Variants in SPATA13 observed in about 807,000 individuals in gnomAD.
The protein encoded by SPATA13 is spermatogenesis associated 13.
In SPATA13, 50 loss-of-function variants were observed where a neutral mutation model predicts 104.0. The ratio of observed to expected loss-of-function variants is 0.48; its 90% CI spans 0.38 to 0.61. SPATA13 has a LOEUF of 0.61. SPATA13 is among the 20% of genes least tolerant of loss of function. SPATA13 has a pLI of 0.00. For synonymous variants in SPATA13, 606 were observed against 667.5 expected, an observed-to-expected ratio of 0.91 and a Z score of 1.42; for missense variants, 1,524 against 1,690.6, an observed-to-expected ratio of 0.90 and a Z score of 1.73.
At chr13:24,206,958 T>C (rs932489849) in intron 1 of SPATA13, among the ~76,000 whole-genome samples, 5 of 150,776 alleles carry the variant, frequency 3.3e-5, no homozygotes, top group African/African-American at 1.2e-4. Flanking sequence ...AGCAAAGATA[T>C]GGAACCAACC....
intron 1 of SPATA13, among the ~76,000 whole-genome samples, chr13:24,194,325 G>C (rs1028227022): frequency 6.6e-6 from 1 of 152,182 alleles, no homozygotes; most frequent in South Asian, 2.1e-4. Flanking sequence ...AGTTAGCGCC[G>C]TTCAATCATC....
chr13:24,286,381 G>A lies in SPATA13; in HGVS notation c.2469G>A (p.Ala823=), dbSNP rs36019629. 9.2e-4 allele frequency: 1,489 copies of A among 1,612,156 alleles called. 2 individuals are homozygous for A. Among genetic ancestry groups the A allele is most frequent in the Admixed American group, 4.7e-3 (284 of 59,986 alleles). ...AAGATAAGGAAGCCTGGTTCCCCGC[G>A]AGCTTCGTCAGAGTAAGTGTGGGGT... ...RSEDKEAWFP[A]SFVRLRVNQE... is the part of the protein sequence containing the mutation. The change falls in exon 6 of 13, where the codon GCG becomes GCA. Residue 823 remains alanine (A), a synonymous_variant. Transcript: ENST00000382108. This position sits in a 1 kb window ranked among gnomAD's most constrained non-coding sequence, Gnocchi z 4.9.
intron 2 of SPATA13, among the ~76,000 whole-genome samples, chr13:24,225,580 T>C (rs556671989): frequency 5.3e-5 from 8 of 152,342 alleles, no homozygotes; most frequent in South Asian, 2.1e-4. Flanking sequence ...CCATTTGTGT[T>C]ATATCTCCTT....
intron 3 of SPATA13, among the ~76,000 whole-genome samples, chr13:24,031,412 G>A (rs1566079058): frequency 6.6e-6 from 1 of 152,206 alleles, no homozygotes; most frequent in Non-Finnish European, 1.5e-5. Context: ...CACAATGAGA[G>A]AGAGTCCTTT....
intron 4 of SPATA13, among the ~76,000 whole-genome samples, chr13:24,279,882 T>C (rs9318447): frequency 0.17 from 26,018 of 152,212 alleles, 2,283 homozygotes; most frequent in Middle Eastern, 0.26. Flanking sequence ...TGGCCAGGAC[T>C]GAGTCAGCCC....
At chr13:24,206,658 G>A (rs1195957808) in intron 1 of SPATA13, among the ~76,000 whole-genome samples, 1 of 152,144 alleles carries the variant, frequency 6.6e-6, no homozygotes, top group Non-Finnish European at 1.5e-5. Context: ...TTGGGAGGCC[G>A]AGGTGGGTGG....
chr13:23,990,393 T>G (rs1698446525), intron 2 of SPATA13, among the ~76,000 whole-genome samples: 1 of 152,154 alleles, frequency 6.6e-6, no homozygotes, highest in South Asian at 2.1e-4. Context: ...GTTTCCTTGC[T>G]CATTGCCCCC....
At chr13:24,146,976 G>A (rs577952321) in intron 3 of SPATA13, among the ~76,000 whole-genome samples, 2 of 147,242 alleles carry the variant, frequency 1.4e-5, no homozygotes, top group Non-Finnish European at 3.0e-5. Context: ...TAGAAATAAA[G>A]AGAAGAAAAC....
intron 2 of SPATA13, among the ~76,000 whole-genome samples, chr13:24,234,066 G>A (rs1030356902): frequency 6.6e-6 from 1 of 152,096 alleles, no homozygotes; most frequent in Non-Finnish European, 1.5e-5. Context: ...TTAAAAATAA[G>A]GGGGGAGGTA....
intron 3 of SPATA13, among the ~76,000 whole-genome samples, chr13:24,036,259 T>C (rs1877678254): frequency 1.3e-5 from 2 of 152,198 alleles, no homozygotes; most frequent in African/African-American, 4.8e-5. Flanking sequence ...TTTTGGTGTT[T>C]TGCAAATCTC....
chr13:24,020,879 T>G (rs1049538336), intron 3 of SPATA13, among the ~76,000 whole-genome samples: 4 of 152,092 alleles, frequency 2.6e-5, no homozygotes, highest in Admixed American at 6.6e-5. Context: ...CGGTCTCTAC[T>G]AAAAATACAA....
chr13:24,249,622 G>C lies in SPATA13; in HGVS notation c.1799G>C (p.Ser600Thr). ...FSDYGQLASR[S>T]LSIPEDSVAA... ...GACTACGGCCAGCTGGCCAGCCGCA[G>C]TTTGTCTATTCCTGAAGACTCGGTT... The change falls in exon 3 of 13, where the codon AGT becomes ACT. Residue 600 changes from serine to threonine, a missense_variant. By Grantham distance (58) the Ser-to-Thr change is moderately conservative. This residue lies in a region of SPATA13 where 1,089 missense variants were observed against 1,135.9 expected (regional missense o/e 0.96). Transcript: ENST00000382108. The C allele has an allele frequency of 6.2e-7, 1 of 1,613,748 alleles. No individual in the cohort carries two copies. Among genetic ancestry groups the C allele is most frequent in the South Asian group, 1.1e-5 (1 of 91,080 alleles).
At chr13:24,250,175 A>G (rs1415305988) in intron 3 of SPATA13, among the ~76,000 whole-genome samples, 1 of 152,250 alleles carries the variant, frequency 6.6e-6, no homozygotes, top group Non-Finnish European at 1.5e-5. Flanking sequence ...GTAATTGTTG[A>G]AAAAGACAGT....
intron 2 of SPATA13, among the ~76,000 whole-genome samples, chr13:24,017,189 G>C (rs998328262): frequency 2.0e-5 from 3 of 152,220 alleles, no homozygotes; most frequent in African/African-American, 7.2e-5. Flanking sequence ...ATAACAGCAT[G>C]CATTTACACA....
At chr13:24,117,147 A>G (rs1880872588) in intron 3 of SPATA13, among the ~76,000 whole-genome samples, 1 of 152,248 alleles carries the variant, frequency 6.6e-6, no homozygotes, top group Non-Finnish European at 1.5e-5. Flanking sequence ...TACATTTATA[A>G]AAACAAAACA....
chr13:24,302,226 G>A (rs897035504), intron 12 of SPATA13, among the ~76,000 whole-genome samples: 2 of 152,136 alleles, frequency 1.3e-5, no homozygotes, highest in African/African-American at 4.8e-5. Context: ...TCCACACGGA[G>A]TACCTGAACA....
At chr13:24,020,709 T>C (rs1472628155) in intron 3 of SPATA13, among the ~76,000 whole-genome samples, 1 of 152,188 alleles carries the variant, frequency 6.6e-6, no homozygotes, top group Non-Finnish European at 1.5e-5. Context: ...TTTTAGTACA[T>C]GTTATTTACA....
At chr13:24,113,977 G>A (rs1444100099) in intron 3 of SPATA13, among the ~76,000 whole-genome samples, 1 of 152,070 alleles carries the variant, frequency 6.6e-6, no homozygotes, top group Admixed American at 6.5e-5. Flanking sequence ...TGTTCTCCGT[G>A]GTTATGGGTT....
chr13:24,282,441 C>T (rs1875614609), intron 4 of SPATA13, among the ~76,000 whole-genome samples: 1 of 152,228 alleles, frequency 6.6e-6, no homozygotes, highest in South Asian at 2.1e-4. Flanking sequence ...GGCACACCAG[C>T]TTCTCCCTCA....
Sources: gnomAD v4.1 joint callset for allele counts (sites outside exome capture counted in the v4.1 genomes callset) on GRCh38, gnomAD v4.1.1 for gene constraint, gnomAD v4.1.1 regional missense constraint, Gnocchi (gnomAD v3.1) non-coding constraint, MANE v1.5 for transcripts, NCBI Gene and HGNC (gene_info 2026-07-23, HGNC 2026-07-21) for gene names.